The following CD5L variants were observed in gnomAD, a reference collection of about 807,000 sequenced individuals.
CD5L encodes the protein CD5 molecule like.
A neutral mutation model predicts 40.8 loss-of-function variants in CD5L; 39 were observed. The observed-to-expected ratio is 0.96, with a 90% CI of 0.74 to 1.25. The LOEUF (loss-of-function observed/expected upper bound fraction) is 1.25, where lower values mean the gene tolerates loss of function less well. CD5L is among the 50% of genes most tolerant of loss of function. CD5L has a pLI of 0.00. For synonymous variants in CD5L, 192 were observed against 169.6 expected, an observed-to-expected ratio of 1.13 and a Z score of -1.03; for missense variants, 433 against 435.9, an observed-to-expected ratio of 0.99 and a Z score of 0.06.
In CD5L at chr1:157,831,148, C is replaced by T. The variant is rs186445373; in HGVS notation, c.*816G>A. The T allele has an allele frequency of 1.3e-4, 133 of 985,292 alleles. No individual in the cohort carries two copies. The East Asian group carries it at 2.0e-3, about 15-fold the overall frequency. The allele number at this position is 985,292 out of a possible 1,614,324, so 61.0% of individuals were successfully genotyped here. The stretch of plus-strand genomic sequence containing the variant: ...ACACAACTTTAGCCCTCCCTGATCT[C>T]TTTCTGCCTCTTTCTTGACCTTTTC... On this transcript the variant is annotated 3_prime_UTR_variant, in exon 6 of 6. Transcript: ENST00000368174.
At chr1:157,840,014 C>T (rs779972128) in intron 1 of CD5L, among the ~76,000 whole-genome samples, 24 of 152,272 alleles carry the variant, frequency 1.6e-4, no homozygotes, top group South Asian at 4.2e-4. Flanking sequence ...CAAGTGAGGA[C>T]GGCTATGTTC....
chr1:157,841,771 GT>G lies in CD5L; in HGVS notation c.-71del. ...GGAGGTCCCCAAGCAGCAATATTTAGTTTTAGCTGCAAGTATGTTAAGAGGA... is the reference window on the plus strand; with the variant it reads ...GGAGGTCCCCAAGCAGCAATATTTAGTTTAGCTGCAAGTATGTTAAGAGGA... On this transcript the variant is annotated 5_prime_UTR_variant, in exon 1 of 6. Coordinates refer to ENST00000368174, the MANE Select transcript of CD5L (RefSeq NM_005894.3). The G allele has an allele frequency of 7.5e-7, 1 of 1,328,772 alleles. No individual in the cohort carries two copies. Among genetic ancestry groups the G allele is most frequent in the Non-Finnish European group, 1.1e-6 (1 of 929,142 alleles). The allele number at this position is 1,328,772 out of a possible 1,614,324, so 82.3% of individuals were successfully genotyped here.
downstream of CD5L, among the ~76,000 whole-genome samples, chr1:157,829,700 A>G (rs1655995279): frequency 1.3e-5 from 2 of 152,194 alleles, no homozygotes; most frequent in Admixed American, 1.3e-4. Context: ...GTGAATTATC[A>G]TTTTATGAAT....
At chr1:157,835,785 G>A (rs752110683) in intron 3 of CD5L, 50 bp downstream of exon 3, 168 of 1,481,568 alleles carry the variant, frequency 1.1e-4, no homozygotes, top group Non-Finnish European at 1.4e-4. Context: ...AAGAGTGGCC[G>A]TGAGGGGTAT....
At chr1:157,827,923 T>A (rs1655945928), downstream of CD5L, among the ~76,000 whole-genome samples, 1 of 152,190 alleles carries the variant, frequency 6.6e-6, no homozygotes, top group Admixed American at 6.5e-5. Flanking sequence ...AAAGTGCCAT[T>A]ATCACTTCTA....
rs749437803 is a variant in CD5L at position 157,834,416 on chromosome 1, C to T, written c.709G>A (p.Glu237Lys). 19 of 1,611,124 alleles carry T rather than the reference C, an allele frequency of 1.2e-5. No individual in the cohort carries two copies. The highest frequency in any genetic ancestry group is 2.2e-5 in the East Asian group (1 of 44,818). Residue 237 changes from glutamate to lysine, a missense_variant, in exon 4 of 6, where the codon GAA (glutamate) becomes AAA (lysine). Coordinates refer to ENST00000368174, the MANE Select transcript of CD5L (RefSeq NM_005894.3). ...TCNHDEDTWV[E>K]CEDPFDLRLV... Reference sequence around the variant, plus strand: ...GACGCACAGGCATTACCTTCACATTCGACCCACGTGTCTTCATCATGGTTG... The same window carrying T: ...GACGCACAGGCATTACCTTCACATTTGACCCACGTGTCTTCATCATGGTTG...
chr1:157,839,197 C>A (rs1656297501), intron 2 of CD5L, among the ~76,000 whole-genome samples, 187 bp downstream of exon 2: 1 of 152,186 alleles, frequency 6.6e-6, no homozygotes, highest in South Asian at 2.1e-4. Flanking sequence ...GGATAAACCA[C>A]CCAAACCCTT....
intron 2 of CD5L, among the ~76,000 whole-genome samples, chr1:157,838,320 G>A (rs1557942534): frequency 6.6e-6 from 1 of 152,148 alleles, no homozygotes; most frequent in Non-Finnish European, 1.5e-5. Flanking sequence ...TAATGTAAGA[G>A]CAGTTATCCA....
downstream of CD5L, among the ~76,000 whole-genome samples, chr1:157,828,924 A>G (rs1444507235): frequency 1.3e-5 from 2 of 152,218 alleles, no homozygotes; most frequent in African/African-American, 4.8e-5. Context: ...ATGGTTTCCC[A>G]GATCATGTAT....
chr1:157,828,833 T>C (rs559065441), downstream of CD5L, among the ~76,000 whole-genome samples: 1 of 152,296 alleles, frequency 6.6e-6, no homozygotes, highest in South Asian at 2.1e-4. Context: ...TGTTCTTGGA[T>C]CTCCTCTCCT....
chr1:157,836,748 AC>A (rs1246960293), intron 2 of CD5L, among the ~76,000 whole-genome samples: 1 of 152,192 alleles, frequency 6.6e-6, no homozygotes, highest in Non-Finnish European at 1.5e-5. Context: ...CCATGCCCAT[AC>A]TTGCTGCTTC....
chr1:157,837,943 T>C (rs932219541), intron 2 of CD5L, among the ~76,000 whole-genome samples: 2 of 151,634 alleles, frequency 1.3e-5, no homozygotes, highest in Non-Finnish European at 2.9e-5. Flanking sequence ...ACCTGGCTAA[T>C]TTTTTTGTAT....
At position 157,831,342 on chromosome 1, in the gene CD5L, A is replaced by G; in HGVS notation, c.*622T>C. ...TTTACACGTCATGAAAAGGTCTAGG[A>G]TTATAGGACGCTGCTCTGCTCCTGA... On this transcript the variant is annotated 3_prime_UTR_variant, in exon 6 of 6. Coordinates refer to ENST00000368174, the MANE Select transcript of CD5L (RefSeq NM_005894.3). The G allele has an allele frequency of 1.0e-6, 1 of 985,324 alleles. No individual in the cohort carries two copies. The highest frequency in any genetic ancestry group is 4.7e-5 in the South Asian group (1 of 21,274). The allele number at this position is 985,324 out of a possible 1,614,324, so 61.0% of individuals were successfully genotyped here. A position where few individuals can be genotyped will look rare whatever the true frequency, so the allele number is the denominator to read the frequency against.
chr1:157,830,904 GA>G, downstream of CD5L: 1 of 973,470 alleles, frequency 1.0e-6, no homozygotes. Context: ...ATCACACAGA[GA>G]GGCAATTGTT....
intron 5 of CD5L, 136 bp from the exon 6 acceptor site, chr1:157,832,104 C>T (rs1227559773): frequency 3.3e-6 from 2 of 613,696 alleles, no homozygotes; most frequent in African/African-American, 1.9e-5. Context: ...ACAGATCCCA[C>T]ACTGATGTGA....
At chr1:157,830,079 A>G (rs557985259), downstream of CD5L, among the ~76,000 whole-genome samples, 6 of 152,232 alleles carry the variant, frequency 3.9e-5, no homozygotes, top group African/African-American at 1.2e-4. Flanking sequence ...AAATTGAGCT[A>G]CAATGGAACT....
At chr1:157,840,490 T>G (rs1656340401) in intron 1 of CD5L, among the ~76,000 whole-genome samples, 1 of 152,220 alleles carries the variant, frequency 6.6e-6, no homozygotes, top group Admixed American at 6.5e-5. Context: ...GAATATTTTC[T>G]TTTCTTGGTT....
Position 157,836,165 on chromosome 1 carries a change from G to A in CD5L, c.56-10C>T, listed in dbSNP as rs1490043048. On this transcript the variant is annotated splice_polypyrimidine_tract_variant and intron_variant, in intron 2 of 5. Coordinates refer to ENST00000368174, the MANE Select transcript of CD5L (RefSeq NM_005894.3). ...ACTCCAGATGGAGACGCTGCAAAGA[G>A]ACGGGTTGTTAGCTAGAGGCCTGAG... The A allele has an allele frequency of 5.6e-6, 9 of 1,605,758 alleles. No individual in the cohort carries two copies. Among genetic ancestry groups the A allele is most frequent in the Non-Finnish European group, 6.8e-6 (8 of 1,175,572 alleles).
chr1:157,836,811 T>C (rs1656229725), intron 2 of CD5L, among the ~76,000 whole-genome samples: 1 of 152,222 alleles, frequency 6.6e-6, no homozygotes, highest in East Asian at 1.9e-4. Context: ...ATACAGAGCA[T>C]AGGGAAAGGG....
Sources: allele counts gnomAD v4.1 joint callset (sites outside exome capture counted in the v4.1 genomes callset), GRCh38; gene constraint gnomAD v4.1.1; transcripts MANE v1.5; gene names NCBI Gene and HGNC (gene_info 2026-07-23, HGNC 2026-07-21).